NKAIN2: variants seen among roughly 807,000 people sequenced by gnomAD.
The protein encoded by NKAIN2 is sodium/potassium-transporting ATPase subunit beta-1-interacting protein 2.
Under a neutral mutation model 32.6 loss-of-function variants are expected in NKAIN2, and 14 were observed. The ratio of observed to expected loss-of-function variants is 0.43; its 90% CI spans 0.28 to 0.67. NKAIN2 has a LOEUF of 0.67. NKAIN2 is among the 30% of genes least tolerant of loss of function. The probability of loss-of-function intolerance (pLI) is 0.17; values close to 1 mark genes in which losing one functional copy is unlikely to be tolerated. For synonymous variants in NKAIN2, 80 were observed against 87.2 expected (o/e 0.92, Z 0.46); for missense variants, 198 against 258.3 (o/e 0.77, Z 1.60).
intron 2 of NKAIN2, among the ~76,000 whole-genome samples, chr6:124,290,404 T>A (rs1582998375): frequency 1.3e-5 from 2 of 152,104 alleles, no homozygotes; most frequent in Admixed American, 1.3e-4. Flanking sequence ...TGTAGTTTTT[T>A]TAATCAAAAA....
chr6:124,663,371 C>T (rs2114446312), intron 4 of NKAIN2, among the ~76,000 whole-genome samples: 1 of 151,794 alleles, frequency 6.6e-6, no homozygotes, highest in East Asian at 2.0e-4. Context: ...GTGGAGGTTG[C>T]AGTGAGCCGA....
intron 1 of NKAIN2, among the ~76,000 whole-genome samples, chr6:124,193,214 C>G (rs1055482894): frequency 6.6e-6 from 1 of 152,210 alleles, no homozygotes; most frequent in Non-Finnish European, 1.5e-5. Flanking sequence ...GCGAGGGCCC[C>G]TTGGGCCCAT....
At chr6:124,822,581 TAG>T (rs1450462233) in intron 6 of NKAIN2, among the ~76,000 whole-genome samples, 2 of 152,186 alleles carry the variant, frequency 1.3e-5, no homozygotes, top group Non-Finnish European at 2.9e-5. Flanking sequence ...AAACAATGAA[TAG>T]ACAGTCCTCT....
chr6:124,197,844 T>TTTTTTTTTTTTTTTTTG (rs1790391621), intron 1 of NKAIN2, among the ~76,000 whole-genome samples: 1 of 150,954 alleles, frequency 6.6e-6, no homozygotes, highest in African/African-American at 2.4e-5. Flanking sequence ...CTGGTTTTTT[T>TTTTTTTTTTTTTTTTTG]TTTTTTTTTT....
intron 3 of NKAIN2, among the ~76,000 whole-genome samples, chr6:124,537,122 A>G (rs1460955235): frequency 6.6e-6 from 1 of 152,204 alleles, no homozygotes; most frequent in Non-Finnish European, 1.5e-5. Context: ...CAAAGACACC[A>G]TGCAGTTTCT....
At chr6:124,037,493 CAT>C (rs1276584756) in intron 1 of NKAIN2, among the ~76,000 whole-genome samples, 3 of 152,008 alleles carry the variant, frequency 2.0e-5, no homozygotes, top group Admixed American at 1.3e-4. Flanking sequence ...TCCTGAAAAA[CAT>C]GTGCTATTTG....
Position 124,720,374 on chromosome 6 carries a change from G to A in NKAIN2, c.474+61988G>A, listed in dbSNP as rs573738992. On this transcript the variant is annotated intron_variant, in intron 4 of 6. Coordinates refer to ENST00000368417, the MANE Select transcript of NKAIN2 (RefSeq NM_001040214.3). ...GTTAGTTGTTGTTTTTATTTTTGCT[G>A]AGTATTAGGATGCTTGATTAATTAA... Among the ~76,000 whole-genome samples, 7 of 152,238 alleles carry A rather than the reference G, an allele frequency of 4.6e-5. No homozygotes were observed. In the South Asian group the frequency reaches 1.5e-3, roughly 32 times the overall value.
intron 4 of NKAIN2, among the ~76,000 whole-genome samples, chr6:124,687,014 C>T (rs766067406): frequency 6.6e-6 from 1 of 151,974 alleles, no homozygotes. Context: ...TGCCCTTGAA[C>T]ATCAGACTCC....
chr6:124,253,370 A>T (rs1326765939), intron 1 of NKAIN2, among the ~76,000 whole-genome samples: 1 of 152,202 alleles, frequency 6.6e-6, no homozygotes, highest in Non-Finnish European at 1.5e-5. Flanking sequence ...GCTTTTCTGT[A>T]GATTCTAATT....
At chr6:123,881,068 C>T (rs1159470379) in intron 1 of NKAIN2, among the ~76,000 whole-genome samples, 3 of 152,162 alleles carry the variant, frequency 2.0e-5, no homozygotes, top group Non-Finnish European at 4.4e-5. Flanking sequence ...GTCACCTAGG[C>T]TGTTGGGCAG....
At chr6:124,667,865 A>C (rs1772883402) in intron 4 of NKAIN2, among the ~76,000 whole-genome samples, 1 of 152,174 alleles carries the variant, frequency 6.6e-6, no homozygotes, top group Admixed American at 6.6e-5. Flanking sequence ...ACAGTAAAAA[A>C]AGAGCCATTG....
At chr6:124,010,746 C>T (rs60744813) in intron 1 of NKAIN2, among the ~76,000 whole-genome samples, 1,595 of 152,054 alleles carry the variant, frequency 0.01, 28 homozygotes, top group African/African-American at 0.037. Flanking sequence ...AGGGCTCAGT[C>T]AAATTAGCTA....
At chr6:124,763,081 C>G (rs543586549) in intron 4 of NKAIN2, among the ~76,000 whole-genome samples, 1 of 152,048 alleles carries the variant, frequency 6.6e-6, no homozygotes, top group Non-Finnish European at 1.5e-5. Flanking sequence ...CTCACTTATA[C>G]GCAGAATCTA....
At chr6:124,041,308 A>G (rs956039868) in intron 1 of NKAIN2, among the ~76,000 whole-genome samples, 5 of 152,058 alleles carry the variant, frequency 3.3e-5, no homozygotes, top group African/African-American at 9.7e-5. Flanking sequence ...TTGCTGCCTT[A>G]TAACTGTAGT....
At chr6:124,230,650 C>T (rs1792398832) in intron 1 of NKAIN2, among the ~76,000 whole-genome samples, 1 of 152,130 alleles carries the variant, frequency 6.6e-6, no homozygotes, top group South Asian at 2.1e-4. Context: ...CTACAAGGGG[C>T]CAAAATACAG....
intron 3 of NKAIN2, among the ~76,000 whole-genome samples, chr6:124,472,992 C>T (rs1471411698): frequency 6.6e-6 from 1 of 152,092 alleles, no homozygotes; most frequent in Non-Finnish European, 1.5e-5. Flanking sequence ...TGGAGAATAG[C>T]AGGACTCACC....
intron 1 of NKAIN2, among the ~76,000 whole-genome samples, chr6:124,116,697 A>G (rs58484918): frequency 0.059 from 9,004 of 152,138 alleles, 793 homozygotes; most frequent in African/African-American, 0.19. Flanking sequence ...AAGTGCTATG[A>G]AGCAGCTATT....
At chr6:123,936,056 C>G (rs1325154199) in intron 1 of NKAIN2, among the ~76,000 whole-genome samples, 1 of 152,174 alleles carries the variant, frequency 6.6e-6, no homozygotes, top group Non-Finnish European at 1.5e-5. Context: ...GACAAAGTTG[C>G]TGACTGCATC....
At chr6:124,415,452 C>T (rs1489356777) in intron 3 of NKAIN2, among the ~76,000 whole-genome samples, 1 of 152,184 alleles carries the variant, frequency 6.6e-6, no homozygotes, top group Non-Finnish European at 1.5e-5. Flanking sequence ...CCTGGCTATG[C>T]CACCCTCCAG....
Sources: gnomAD v4.1 joint callset for allele counts (sites outside exome capture counted in the v4.1 genomes callset) on GRCh38, gnomAD v4.1.1 for gene constraint, MANE v1.5 for transcripts, NCBI Gene and HGNC (gene_info 2026-07-23, HGNC 2026-07-21) for gene names.